The following MASP1 variants were observed in gnomAD, a reference collection of about 807,000 sequenced individuals.
The protein encoded by MASP1 is mannan-binding lectin serine protease 1.
In MASP1, 59 loss-of-function variants were observed where a neutral mutation model predicts 77.1. The ratio of observed to expected loss-of-function variants is 0.77; its 90% confidence interval spans 0.62 to 0.95. The LOEUF is 0.95. Ranked by LOEUF, MASP1 falls within the 40% of genes least tolerant of loss-of-function variation. The pLI, the probability that MASP1 is intolerant of heterozygous loss-of-function variation, is 0.00. For missense variants in MASP1, 885 were observed against 912.9 expected, an observed-to-expected ratio of 0.97 and a Z score of 0.39; for synonymous variants, 362 against 354.5, an observed-to-expected ratio of 1.02 and a Z score of -0.24.
chr3:187,227,644 T>A (rs1464870425), intron 11 of MASP1, among the ~76,000 whole-genome samples: 1 of 152,158 alleles, frequency 6.6e-6, no homozygotes, highest in Non-Finnish European at 1.5e-5. Flanking sequence ...TGCTCCTGGG[T>A]CCTGGCCAGG....
intron 2 of MASP1, among the ~76,000 whole-genome samples, chr3:187,270,254 G>A (rs140258007): frequency 1.1e-4 from 17 of 152,212 alleles, no homozygotes; most frequent in Admixed American, 2.0e-4. Flanking sequence ...CTTCTGAAAC[G>A]TCTCCTCAAC....
chr3:187,269,767 T>C (rs575294311), intron 2 of MASP1, among the ~76,000 whole-genome samples: 55 of 152,362 alleles, frequency 3.6e-4, no homozygotes, highest in African/African-American at 1.3e-3. Context: ...GGTTATCTTA[T>C]TCTTCTCTCA....
chr3:187,264,005 A>T (rs1420465696), intron 2 of MASP1, among the ~76,000 whole-genome samples: 1 of 152,250 alleles, frequency 6.6e-6, no homozygotes, highest in Admixed American at 6.5e-5. Context: ...CTTACCAAGA[A>T]TGATTCCTGC....
chr3:187,254,768 A>G (rs2108547966), intron 5 of MASP1, among the ~76,000 whole-genome samples: 1 of 152,118 alleles, frequency 6.6e-6, no homozygotes, highest in East Asian at 1.9e-4. Context: ...AATAGGCTCT[A>G]TTATCTGATC....
chr3:187,251,756 G>T lies in MASP1; in HGVS notation c.893-4C>A, dbSNP rs182282547. 2 of 1,608,656 alleles carry T rather than the reference G, an allele frequency of 1.2e-6. No homozygotes were observed. Among genetic ancestry groups the T allele is most frequent in the East Asian group, 2.2e-5 (1 of 44,850 alleles). ...TGTAGCTCTGGGCACTCATTTCCTG[G>T]TGAGGAGCAAATGAAAGAACAGCAG... On this transcript the variant is annotated splice_polypyrimidine_tract_variant and splice_region_variant and intron_variant, in intron 6 of 10. Coordinates refer to ENST00000296280, the MANE Select transcript of MASP1 (RefSeq NM_139125.4).
chr3:187,240,372 G>C (rs898234281), intron 10 of MASP1, among the ~76,000 whole-genome samples: 1 of 152,082 alleles, frequency 6.6e-6, no homozygotes, highest in Non-Finnish European at 1.5e-5. Context: ...ATTTCCTGCT[G>C]TTTGTGCAAA....
At chr3:187,228,552 C>A (rs1048049208) in intron 11 of MASP1, among the ~76,000 whole-genome samples, 2 of 152,082 alleles carry the variant, frequency 1.3e-5, no homozygotes, top group African/African-American at 4.8e-5. Flanking sequence ...GTATTGTTCC[C>A]TTTCATTTTT....
At chr3:187,259,799 C>T (rs987906176) in intron 4 of MASP1, among the ~76,000 whole-genome samples, 1 of 152,136 alleles carries the variant, frequency 6.6e-6, no homozygotes, top group African/African-American at 2.4e-5. Flanking sequence ...CTTTTGTCTC[C>T]AGACTTGTGC....
rs72549169 is a variant in MASP1 at position 187,225,250 on chromosome 3, G to A, written c.1741+74C>T. ...GTCAGCTGACTTAATTGGCACCAGA[G>A]CTTCACCAACGTGAAGACGGACTCC... On this transcript the variant is annotated intron_variant, in intron 13 of 15. Coordinates refer to the MASP1 transcript ENST00000337774. The A allele has an allele frequency of 2.4e-3, 3,665 of 1,523,670 alleles. 62 individuals carry two copies. In the African/African-American group the frequency reaches 0.04, roughly 17 times the overall value. 94.4% of individuals were successfully genotyped at this position (1,523,670 alleles called of 1,614,324 possible).
chr3:187,271,606 T>C (rs1199520393), intron 2 of MASP1, among the ~76,000 whole-genome samples: 1 of 152,166 alleles, frequency 6.6e-6, no homozygotes, highest in Non-Finnish European at 1.5e-5. Context: ...TAGAAGGAAT[T>C]AGAGTAACTG....
At chr3:187,225,432 C>T (rs1335869764) in exon 13 of MASP1, 10 of 1,614,198 alleles carry the variant, frequency 6.2e-6, no homozygotes, top group Non-Finnish European at 8.5e-6. Context: ...GTGTTGGGAT[C>T]ATACTGGGGG....
chr3:187,226,471 A>G, exon 12 of MASP1: 1 of 1,613,192 alleles, frequency 6.2e-7, no homozygotes, highest in African/African-American at 1.3e-5. Flanking sequence ...GATCTTCCGG[A>G]TCGAGTGACT....
chr3:187,266,333 G>A (rs1716016420), intron 2 of MASP1, among the ~76,000 whole-genome samples: 1 of 152,144 alleles, frequency 6.6e-6, no homozygotes, highest in South Asian at 2.1e-4. Flanking sequence ...AGCTCAATAA[G>A]CAAGTTCCCT....
At chr3:187,229,589 C>G (rs1250456650), downstream of MASP1, among the ~76,000 whole-genome samples, 1 of 152,172 alleles carries the variant, frequency 6.6e-6, no homozygotes, top group Non-Finnish European at 1.5e-5. Context: ...TTTGTCCTTC[C>G]CGGTGCCAGA....
In MASP1 at chr3:187,220,922, C is replaced by A; in HGVS notation, c.1909+113G>T. The A allele has an allele frequency of 2.5e-6, 2 of 793,454 alleles. 1 individual carries two copies. Among genetic ancestry groups the A allele is most frequent in the Admixed American group, 3.7e-5 (2 of 53,772 alleles). The allele number at this position is 793,454 out of a possible 1,614,324, so 49.2% of individuals were successfully genotyped here. A position where few individuals can be genotyped will look rare whatever the true frequency, so the allele number is the denominator to read the frequency against. ...CTCCCACGGCCTTCCTCCAGTCCCC[C>A]GCGCCCCCACACTGCCAGCCCACCA... On this transcript the variant is annotated intron_variant, in intron 15 of 15. Transcript: ENST00000337774.
intron 4 of MASP1, among the ~76,000 whole-genome samples, chr3:187,259,434 A>G (rs73191713): frequency 0.053 from 8,125 of 152,290 alleles, 285 homozygotes; most frequent in Non-Finnish European, 0.082. Context: ...TTAAATGCAC[A>G]ATACACAGAT....
chr3:187,247,185 T>A, intron 8 of MASP1: 1 of 1,537,868 alleles, frequency 6.5e-7, no homozygotes. Flanking sequence ...CTTCAACTGC[T>A]GAGATCATGT....
At chr3:187,274,707 C>A (rs537471648) in intron 2 of MASP1, among the ~76,000 whole-genome samples, 2 of 152,088 alleles carry the variant, frequency 1.3e-5, no homozygotes, top group Non-Finnish European at 2.9e-5. Flanking sequence ...AAATGCTTGG[C>A]GCCATAAAGA....
Position 187,291,584 on chromosome 3 carries a change from G to A in MASP1, c.5+44C>T, listed in dbSNP as rs16861896. On this transcript the variant is annotated intron_variant, in intron 1 of 10. Coordinates refer to ENST00000296280, the MANE Select transcript of MASP1 (RefSeq NM_139125.4). ...CAGACCTTCCCTGCTATTTGACACTGGTCCCCAAAAGGGAACCGTGCCCTC... is the reference window on the plus strand; with the variant it reads ...CAGACCTTCCCTGCTATTTGACACTAGTCCCCAAAAGGGAACCGTGCCCTC... 0.15 allele frequency: 246,138 copies of A among 1,607,294 alleles called. 19,582 individuals carry two copies. Among genetic ancestry groups the A allele is most frequent in the African/African-American group, 0.22 (16,231 of 74,834 alleles).
Sources: gnomAD v4.1 joint callset for allele counts (sites outside exome capture counted in the v4.1 genomes callset) on GRCh38, gnomAD v4.1.1 for gene constraint, MANE v1.5 for transcripts, NCBI Gene and HGNC (gene_info 2026-07-23, HGNC 2026-07-21) for gene names.